GRM8: variants seen among roughly 807,000 people sequenced by gnomAD.
The protein encoded by GRM8 is glutamate metabotropic receptor 8, also known as metabotropic glutamate receptor 8.
A neutral mutation model predicts 87.2 loss-of-function variants in GRM8; 47 were observed. The observed-to-expected ratio is 0.54, with a 90% CI of 0.43 to 0.69. GRM8 has a LOEUF of 0.69. GRM8 is among the 30% of genes least tolerant of loss of function. GRM8 has a pLI of 0.00. For missense variants in GRM8, 1,019 were observed against 1,139.2 expected, an observed-to-expected ratio of 0.89 and a Z score of 1.52; for synonymous variants, 396 against 404.5, an observed-to-expected ratio of 0.98 and a Z score of 0.25.
intron 2 of GRM8, among the ~76,000 whole-genome samples, chr7:127,119,067 T>C (rs1826875670): frequency 6.6e-6 from 1 of 152,070 alleles, no homozygotes; most frequent in Non-Finnish European, 1.5e-5. Flanking sequence ...CTGAGACAAG[T>C]TTGGGGCAGG....
intron 6 of GRM8, among the ~76,000 whole-genome samples, chr7:126,895,785 A>C (rs1312341870): frequency 1.4e-4 from 21 of 152,102 alleles, no homozygotes; most frequent in Non-Finnish European, 2.8e-4. Context: ...ACCCACTAGC[A>C]AAAACTACAT....
chr7:127,085,614 A>G (rs192005557), intron 3 of GRM8, among the ~76,000 whole-genome samples: 7 of 152,292 alleles, frequency 4.6e-5, no homozygotes, highest in Admixed American at 4.6e-4. Context: ...TGTTCTTTTG[A>G]GAAGTGTCAG....
At chr7:126,709,495 A>G (rs1810887375) in intron 7 of GRM8, among the ~76,000 whole-genome samples, 1 of 151,802 alleles carries the variant, frequency 6.6e-6, no homozygotes, top group Non-Finnish European at 1.5e-5. Flanking sequence ...AAGAAGGAGG[A>G]GGGAGGAGGA....
intron 6 of GRM8, among the ~76,000 whole-genome samples, chr7:126,858,448 G>A (rs1797871584): frequency 6.6e-6 from 1 of 152,108 alleles, no homozygotes; most frequent in South Asian, 2.1e-4. Context: ...CCCTCACACA[G>A]GATGCTCAAG....
At chr7:127,113,646 G>C (rs13239559) in intron 2 of GRM8, among the ~76,000 whole-genome samples, 4 of 151,874 alleles carry the variant, frequency 2.6e-5, no homozygotes, top group African/African-American at 9.7e-5. Context: ...CTTCCCTTAG[G>C]GGGTAGTGCT....
At chr7:126,451,582 G>A (rs1455034072) in intron 9 of GRM8, among the ~76,000 whole-genome samples, 1 of 151,542 alleles carries the variant, frequency 6.6e-6, no homozygotes, top group Non-Finnish European at 1.5e-5. Context: ...ACTGAATTAG[G>A]TCACTCCTAC....
chr7:126,913,139 G>A (rs1482549937), intron 3 of GRM8, among the ~76,000 whole-genome samples: 1 of 152,204 alleles, frequency 6.6e-6, no homozygotes, highest in Non-Finnish European at 1.5e-5. Context: ...TTCCAACTGT[G>A]ATGGAAATTG....
intron 3 of GRM8, among the ~76,000 whole-genome samples, chr7:127,045,116 T>G (rs1818802963): frequency 6.6e-6 from 1 of 152,202 alleles, no homozygotes; most frequent in African/African-American, 2.4e-5. Context: ...TTTTAGGTTT[T>G]TATTTCCTGA....
intron 2 of GRM8, among the ~76,000 whole-genome samples, chr7:127,140,791 A>G (rs1411674252): frequency 6.6e-6 from 1 of 152,176 alleles, no homozygotes; most frequent in African/African-American, 2.4e-5. Context: ...GCTGTTTGTC[A>G]TTAAACCCAT....
intron 2 of GRM8, among the ~76,000 whole-genome samples, chr7:127,186,963 T>A (rs1473696827): frequency 1.3e-5 from 2 of 152,128 alleles, no homozygotes; most frequent in Non-Finnish European, 2.9e-5. Context: ...AATAAAGGAA[T>A]CCCTAAAGTT....
chr7:126,538,718 G>A (rs912702040), intron 8 of GRM8, among the ~76,000 whole-genome samples: 3 of 151,920 alleles, frequency 2.0e-5, no homozygotes, highest in African/African-American at 4.8e-5. Context: ...AAGACTGCAT[G>A]TGCAATTACT....
intron 9 of GRM8, among the ~76,000 whole-genome samples, chr7:126,476,402 G>A (rs1322422791): frequency 2.0e-5 from 3 of 152,142 alleles, no homozygotes; most frequent in Non-Finnish European, 4.4e-5. Flanking sequence ...CTGGGTAACA[G>A]AAAGAGCCAT....
chr7:126,936,876 A>T (rs1215784302), intron 3 of GRM8, among the ~76,000 whole-genome samples: 1 of 152,216 alleles, frequency 6.6e-6, no homozygotes, highest in Non-Finnish European at 1.5e-5. Flanking sequence ...TTGGGTAAAA[A>T]AGAAAGAAAT....
chr7:127,037,718 C>A (rs1352866554), intron 3 of GRM8, among the ~76,000 whole-genome samples: 1 of 152,128 alleles, frequency 6.6e-6, no homozygotes, highest in African/African-American at 2.4e-5. Flanking sequence ...GAGAAGCCTG[C>A]AGAACCACAA....
chr7:126,690,252 T>C (rs575907646), intron 7 of GRM8, among the ~76,000 whole-genome samples: 3 of 152,352 alleles, frequency 2.0e-5, no homozygotes, highest in African/African-American at 7.2e-5. Context: ...GCTACTGGCC[T>C]GGTTCCCACG....
intron 3 of GRM8, among the ~76,000 whole-genome samples, chr7:127,028,689 A>G (rs1223650097): frequency 6.6e-6 from 1 of 152,034 alleles, no homozygotes; most frequent in African/African-American, 2.4e-5. Context: ...ATCCCCTTTT[A>G]TCATTTTTTA....
intron 2 of GRM8, among the ~76,000 whole-genome samples, chr7:127,161,216 C>A (rs941197805): frequency 6.6e-6 from 1 of 152,072 alleles, no homozygotes; most frequent in African/African-American, 2.4e-5. Context: ...CCTGTCTTCA[C>A]AAGATAAATC....
intron 7 of GRM8, among the ~76,000 whole-genome samples, chr7:126,611,116 T>C (rs1053944145): frequency 6.6e-6 from 1 of 152,180 alleles, no homozygotes. Context: ...TGACTTTATA[T>C]ATAAATTGAT....
intron 6 of GRM8, among the ~76,000 whole-genome samples, chr7:126,876,058 T>C (rs1360367194): frequency 6.6e-6 from 1 of 152,184 alleles, no homozygotes; most frequent in African/African-American, 2.4e-5. Flanking sequence ...GGCTTATCCT[T>C]GAATATCCTA....
Sources: gnomAD v4.1 joint callset for allele counts (sites outside exome capture counted in the v4.1 genomes callset) on GRCh38, gnomAD v4.1.1 for gene constraint, MANE v1.5 for transcripts, NCBI Gene and HGNC (gene_info 2026-07-23, HGNC 2026-07-21) for gene names.